UBA6: variants seen among roughly 807,000 people sequenced by gnomAD.
The protein encoded by UBA6 is ubiquitin like modifier activating enzyme 6.
UBA6 carries 87 observed loss-of-function variants against 148.3 expected under a neutral mutation model. The observed-to-expected ratio is 0.59, with a 90% CI of 0.49 to 0.70. UBA6 has a LOEUF of 0.70. Among genes scored for constraint, UBA6 ranks in the 30% least tolerant of loss-of-function variants. UBA6 has a pLI of 0.00. For synonymous variants in UBA6, 376 were observed against 401.0 expected (o/e 0.94, Z 0.75); for missense variants, 1,186 against 1,241.2 (o/e 0.96, Z 0.67).
chr4:67,634,017 T>C (rs1729063949), intron 22 of UBA6, among the ~76,000 whole-genome samples: 2 of 152,098 alleles, frequency 1.3e-5, no homozygotes, highest in Admixed American at 1.3e-4. Flanking sequence ...ACCATACGAA[T>C]TGCTGTTTTG....
intron 10 of UBA6, among the ~76,000 whole-genome samples, chr4:67,664,674 T>C (rs1239526523): frequency 6.6e-6 from 1 of 152,130 alleles, no homozygotes; most frequent in Non-Finnish European, 1.5e-5. Flanking sequence ...TCAATGCCAG[T>C]CGTTTTTAGA....
chr4:67,677,978 T>C (rs551012437), intron 5 of UBA6, among the ~76,000 whole-genome samples: 1 of 134,436 alleles, frequency 7.4e-6, no homozygotes. Flanking sequence ...TCCAGGCTCC[T>C]TAACTTTCTT....
At chr4:67,674,527 G>C (rs543074421) in intron 6 of UBA6, among the ~76,000 whole-genome samples, 60 of 152,238 alleles carry the variant, frequency 3.9e-4, no homozygotes, top group African/African-American at 1.3e-3. Flanking sequence ...GAGGGACTTG[G>C]GGGACGGGGG....
At chr4:67,699,658 T>G (rs1463684677) in intron 1 of UBA6, among the ~76,000 whole-genome samples, 1 of 152,310 alleles carries the variant, frequency 6.6e-6, no homozygotes, top group East Asian at 1.9e-4. Flanking sequence ...TGGAGTGCAG[T>G]GGCACGATCT....
Position 67,661,187 on chromosome 4 carries a change from C to T in UBA6, c.1104+1002G>A, listed in dbSNP as rs181232234. Among the ~76,000 whole-genome samples, 13 of 152,186 alleles carry T rather than the reference C, an allele frequency of 8.5e-5. No homozygotes were observed. The East Asian group carries it at 2.1e-3, about 25-fold the overall frequency. ...GGATTAATGCTGGAATGAGCTAAGA[C>T]TTTGGGGGACTGTTGGAAAGGTGTG... On this transcript the variant is annotated intron_variant, in intron 13 of 32. Transcript: ENST00000322244.
At chr4:67,693,757 C>G (rs1730755040) in intron 2 of UBA6, among the ~76,000 whole-genome samples, 1 of 152,104 alleles carries the variant, frequency 6.6e-6, no homozygotes, top group South Asian at 2.1e-4. Context: ...TGGAATTTAT[C>G]TTTATCTTAC....
chr4:67,628,319 T>G (rs1366613906), intron 27 of UBA6, among the ~76,000 whole-genome samples: 1 of 151,864 alleles, frequency 6.6e-6, no homozygotes, highest in Admixed American at 6.6e-5. Flanking sequence ...ATCTCTGTAA[T>G]TTCCTCATTT....
chr4:67,641,175 G>C lies in UBA6; in HGVS notation c.1530C>G (p.Phe510Leu). The stretch of plus-strand genomic sequence containing the variant: ...CCTGTATGTGATGAGGACGAAATAG[G>C]AACTGTCTATTTAAGTTGGATTTCT... The part of the protein sequence containing the change: ...LIEKSNLNRQ[F>L]LFRPHHIQKP... The change falls in exon 18 of 33, where the codon TTC becomes TTG. Residue 510 changes from phenylalanine (F) to leucine (L), a missense_variant. Transcript: ENST00000322244. 6.3e-7 allele frequency: 1 copy of C among 1,598,174 alleles called. No homozygotes were observed. The highest frequency in any genetic ancestry group is 1.3e-5 in the African/African-American group (1 of 74,398).
At chr4:67,694,215 CAAAAAAAAAAAA>C (rs769649769) in intron 2 of UBA6, among the ~76,000 whole-genome samples, 6 of 41,872 alleles carry the variant, frequency 1.4e-4, no homozygotes, top group South Asian at 1.3e-3. Flanking sequence ...GACTCCATCT[CAAAAAAAAAAAA>C]AAAAAAAAAA....
Position 67,678,477 on chromosome 4 carries a change from G to T in UBA6, c.315C>A (p.Phe105Leu). Residue 105 changes from phenylalanine (F) to leucine (L), a missense_variant, in exon 5 of 33, where the codon TTC (phenylalanine) becomes TTA (leucine). Transcript: ENST00000322244. ...TAACAACATCATCTTCACTGAGAAA[G>T]AAGTTGGTTCCTAGATCCCATGCTT... ...KCQAWDLGTN[F>L]FLSEDDVVNK... The T allele has an allele frequency of 1.9e-6, 3 of 1,601,422 alleles. No homozygotes were observed. Among genetic ancestry groups the T allele is most frequent in the Non-Finnish European group, 2.6e-6 (3 of 1,172,516 alleles).
chr4:67,633,148 A>G (rs1729040168), intron 23 of UBA6, among the ~76,000 whole-genome samples, 197 bp downstream of exon 23: 1 of 152,070 alleles, frequency 6.6e-6, no homozygotes, highest in African/African-American at 2.4e-5. Context: ...AAATGTCCCT[A>G]TTTTCTCAGT....
At chr4:67,660,906 A>T (rs1379929864) in intron 13 of UBA6, among the ~76,000 whole-genome samples, 3 of 152,216 alleles carry the variant, frequency 2.0e-5, no homozygotes, top group Admixed American at 6.5e-5. Flanking sequence ...CATCAGCGTG[A>T]CCTGGATGTG....
At chr4:67,655,791 G>C (rs545999477) in intron 13 of UBA6, among the ~76,000 whole-genome samples, 2 of 152,128 alleles carry the variant, frequency 1.3e-5, no homozygotes, top group East Asian at 3.8e-4. Context: ...TAGACTGCTA[G>C]CAAGACTAAT....
At chr4:67,682,237 A>G (rs1206711286) in intron 2 of UBA6, 24 bp from the exon 3 acceptor site, 7 of 1,565,876 alleles carry the variant, frequency 4.5e-6, no homozygotes, top group Non-Finnish European at 1.8e-6. Flanking sequence ...ACAATAAAAA[A>G]CAAAAAATTA....
chr4:67,651,506 A>G (rs1356562098), intron 13 of UBA6, among the ~76,000 whole-genome samples: 4 of 152,178 alleles, frequency 2.6e-5, no homozygotes, highest in African/African-American at 9.7e-5. Flanking sequence ...TTCGGCTGCC[A>G]TCTGATTTTT....
Position 67,624,247 on chromosome 4 carries a change from A to T in UBA6, c.2719T>A (p.Leu907Met), listed in dbSNP as rs750425889. The change falls in exon 30 of 33, where the codon TTG (leucine) becomes ATG (methionine). Residue 907 changes from leucine (L) to methionine (M), a missense_variant. Physicochemically the swap from Leu to Met is conservative, Grantham distance 15 (BLOSUM62 2). Coordinates refer to ENST00000322244, the MANE Select transcript of UBA6 (RefSeq NM_018227.6). ...CCACCAGTTACTTTGATCATCTCCA[A>T]GGCAACCTAGATAAAAGAAGGTGAT... ...TTATVSGLVA[L>M]EMIKVTGGYP... 2.5e-6 allele frequency: 4 copies of T among 1,599,482 alleles called. No individual in the cohort carries two copies. The highest frequency in any genetic ancestry group is 3.4e-6 in the Non-Finnish European group (4 of 1,175,402).
chr4:67,686,107 T>G (rs1162320722), intron 2 of UBA6, among the ~76,000 whole-genome samples: 3 of 152,206 alleles, frequency 2.0e-5, no homozygotes, highest in Non-Finnish European at 2.9e-5. Context: ...AGTGACCATA[T>G]AGCAGTGAAT....
chr4:67,655,709 TAG>T (rs1354186116), intron 13 of UBA6, among the ~76,000 whole-genome samples: 2 of 149,944 alleles, frequency 1.3e-5, no homozygotes, highest in African/African-American at 4.9e-5. Context: ...CTGAAGGAGA[TAG>T]AGACACAAAA....
intron 2 of UBA6, among the ~76,000 whole-genome samples, chr4:67,683,129 G>T (rs72642391): frequency 0.15 from 23,063 of 151,828 alleles, 1,818 homozygotes; most frequent in South Asian, 0.22. Context: ...TTTTTAAATT[G>T]GTACTCAAGA....
Sources: allele counts gnomAD v4.1 joint callset (sites outside exome capture counted in the v4.1 genomes callset), GRCh38; gene constraint gnomAD v4.1.1; transcripts MANE v1.5; gene names NCBI Gene and HGNC (gene_info 2026-07-23, HGNC 2026-07-21).